PRICKLE2: variants seen among roughly 807,000 people sequenced by gnomAD.
PRICKLE2 encodes the protein prickle-like protein 2.
In PRICKLE2, 21 loss-of-function variants were observed where a neutral mutation model predicts 81.4. That is an observed-to-expected ratio of 0.26 (90% CI 0.18 to 0.37). The LOEUF is 0.37. PRICKLE2 is among the 10% of genes least tolerant of loss of function. The probability of loss-of-function intolerance (pLI) is 1.00; values close to 1 mark genes in which losing one functional copy is unlikely to be tolerated. For synonymous variants in PRICKLE2, 456 were observed against 421.5 expected (o/e 1.08, Z -1.00); for missense variants, 940 against 1,109.0 (o/e 0.85, Z 2.16).
intron 7 of PRICKLE2, among the ~76,000 whole-genome samples, chr3:64,131,309 C>A (rs889900810): frequency 4.6e-5 from 7 of 152,188 alleles, no homozygotes; most frequent in African/African-American, 1.7e-4. Context: ...ATGGAGGGAT[C>A]CAGATCTTTG....
chr3:64,238,925 T>G (rs1274338989), intron 2 of PRICKLE2, among the ~76,000 whole-genome samples: 1 of 152,174 alleles, frequency 6.6e-6, no homozygotes, highest in Non-Finnish European at 1.5e-5. Flanking sequence ...CAGACACCAG[T>G]CAGCCCACCC....
At chr3:64,229,287 T>C (rs1169856548), upstream of PRICKLE2, among the ~76,000 whole-genome samples, 2 of 152,144 alleles carry the variant, frequency 1.3e-5, no homozygotes, top group Admixed American at 1.3e-4. Flanking sequence ...AGGCAGCATC[T>C]TGTTAGAGGA....
intron 7 of PRICKLE2, among the ~76,000 whole-genome samples, chr3:64,120,898 T>C (rs2077013946): frequency 6.6e-6 from 1 of 152,156 alleles, no homozygotes; most frequent in South Asian, 2.1e-4. Context: ...AAAGTGAAGC[T>C]GCCACGAACC....
intron 2 of PRICKLE2, among the ~76,000 whole-genome samples, chr3:64,194,718 A>T (rs1367181321): frequency 6.6e-6 from 1 of 152,204 alleles, no homozygotes; most frequent in Non-Finnish European, 1.5e-5. Context: ...GAGATACGGT[A>T]TACACTATTC....
intron 7 of PRICKLE2, chr3:64,142,050 G>T: frequency 1.7e-6 from 1 of 579,590 alleles, no homozygotes; most frequent in Non-Finnish European, 2.2e-6. Flanking sequence ...AGGGACAGCA[G>T]CAAAAACACC....
chr3:64,201,500 G>A (rs1329460033), intron 1 of PRICKLE2, among the ~76,000 whole-genome samples: 3 of 152,102 alleles, frequency 2.0e-5, no homozygotes, highest in Non-Finnish European at 2.9e-5. Flanking sequence ...GTCTAATGAT[G>A]TTGAATATCT....
intron 2 of PRICKLE2, among the ~76,000 whole-genome samples, chr3:64,259,125 T>G (rs2079579957): frequency 6.6e-6 from 1 of 152,196 alleles, no homozygotes; most frequent in Admixed American, 6.5e-5. Context: ...ACCCACAGTA[T>G]GCTAATTTTG....
intron 1 of PRICKLE2, among the ~76,000 whole-genome samples, chr3:64,202,664 G>GTGTGTGTA (rs1390370807): frequency 6.6e-6 from 1 of 151,836 alleles, no homozygotes; most frequent in African/African-American, 2.4e-5. Flanking sequence ...GTGTGTGTGT[G>GTGTGTGTA]TGTGTGTGTA....
At chr3:64,124,827 G>T (rs2077083214) in intron 7 of PRICKLE2, among the ~76,000 whole-genome samples, 1 of 152,192 alleles carries the variant, frequency 6.6e-6, no homozygotes, top group African/African-American at 2.4e-5. Flanking sequence ...AGATGTACAA[G>T]AATATGAATG....
chr3:64,185,176 C>A (rs2078201980), intron 2 of PRICKLE2, among the ~76,000 whole-genome samples: 2 of 152,166 alleles, frequency 1.3e-5, no homozygotes, highest in South Asian at 2.1e-4. Context: ...TCTCACCAAA[C>A]ACTGGATCCA....
intron 1 of PRICKLE2, among the ~76,000 whole-genome samples, chr3:64,222,726 T>A (rs1409793222): frequency 1.3e-5 from 2 of 152,120 alleles, no homozygotes; most frequent in Non-Finnish European, 2.9e-5. Context: ...AAGCACATAT[T>A]CAATGGCCTC....
At chr3:64,132,283 C>G (rs2077207876) in intron 7 of PRICKLE2, among the ~76,000 whole-genome samples, 1 of 152,178 alleles carries the variant, frequency 6.6e-6, no homozygotes, top group Non-Finnish European at 1.5e-5. Context: ...ACATTATAAG[C>G]CATTCTCCAC....
At chr3:64,190,291 T>C (rs2078308692) in intron 2 of PRICKLE2, 1 of 152,238 alleles carries the variant, frequency 6.6e-6, no homozygotes. Flanking sequence ...TTTGTTTTTA[T>C]AGGATACATT....
At chr3:64,135,336 G>A (rs1225113791) in intron 7 of PRICKLE2, among the ~76,000 whole-genome samples, 1 of 151,950 alleles carries the variant, frequency 6.6e-6, no homozygotes, top group East Asian at 1.9e-4. Flanking sequence ...GAGAAGACAG[G>A]GTCTGAATAA....
intron 2 of PRICKLE2, among the ~76,000 whole-genome samples, chr3:64,181,916 A>T (rs1434290263): frequency 6.6e-6 from 1 of 152,170 alleles, no homozygotes; most frequent in African/African-American, 2.4e-5. Context: ...GTAATCTAAG[A>T]TGTGGCATTA....
chr3:64,237,175 AGGG>A (rs1206181026), intron 2 of PRICKLE2, among the ~76,000 whole-genome samples: 6 of 152,152 alleles, frequency 3.9e-5, no homozygotes, highest in African/African-American at 7.2e-5. Flanking sequence ...AGAGCTCCAG[AGGG>A]CGTATGTTAC....
intron 2 of PRICKLE2, among the ~76,000 whole-genome samples, chr3:64,168,384 C>CA (rs370934881): frequency 1.7e-4 from 26 of 149,350 alleles, no homozygotes; most frequent in East Asian, 7.8e-4. Flanking sequence ...TAAAAAATTG[C>CA]AAAAAAAAAA....
chr3:64,210,674 G>A (rs1227435844), intron 1 of PRICKLE2, among the ~76,000 whole-genome samples: 1 of 152,206 alleles, frequency 6.6e-6, no homozygotes, highest in East Asian at 1.9e-4. Flanking sequence ...AGAATTATAT[G>A]CAGTGCCTTA....
intron 2 of PRICKLE2, among the ~76,000 whole-genome samples, chr3:64,178,617 G>A (rs2078064469): frequency 6.6e-6 from 1 of 152,218 alleles, no homozygotes; most frequent in Non-Finnish European, 1.5e-5. Flanking sequence ...AGGGAAAGAA[G>A]AGAGTACTAT....
Sources: allele counts gnomAD v4.1 joint callset (sites outside exome capture counted in the v4.1 genomes callset), GRCh38; gene constraint gnomAD v4.1.1; transcripts MANE v1.5; gene names NCBI Gene and HGNC (gene_info 2026-07-23, HGNC 2026-07-21).